ERC1: variants seen among roughly 807,000 people sequenced by gnomAD.
ERC1 encodes the protein RAB6 interacting protein 2.
In ERC1, 56 loss-of-function variants were observed where a neutral mutation model predicts 132.0. The observed-to-expected ratio is 0.42, with a 90% CI of 0.34 to 0.53. The LOEUF (loss-of-function observed/expected upper bound fraction) is 0.53, where lower values mean the gene tolerates loss of function less well. ERC1 is among the 20% of genes least tolerant of loss of function. ERC1 has a pLI of 0.03. For missense variants in ERC1, 1,202 were observed against 1,349.9 expected, an observed-to-expected ratio of 0.89 and a Z score of 1.72; for synonymous variants, 478 against 476.1, an observed-to-expected ratio of 1.00 and a Z score of -0.05.
intron 12 of ERC1, among the ~76,000 whole-genome samples, chr12:1,211,751 G>A (rs113685616): frequency 0.015 from 2,225 of 149,434 alleles, 42 homozygotes; most frequent in African/African-American, 0.052. Context: ...TGTATTTTCA[G>A]TAGAGACATG....
At chr12:1,070,111 A>G (rs1258431695) in intron 2 of ERC1, among the ~76,000 whole-genome samples, 1 of 152,070 alleles carries the variant, frequency 6.6e-6, no homozygotes, top group Non-Finnish European at 1.5e-5. Context: ...TGGTTTTCTT[A>G]CTTTGTTGTA....
At chr12:1,380,758 T>C (rs2088556222) in intron 16 of ERC1, 1 of 152,466 alleles carries the variant, frequency 6.6e-6, no homozygotes, top group Non-Finnish European at 1.5e-5. Flanking sequence ...TGGGCCTTGG[T>C]CACCAATTCT....
intron 4 of ERC1, among the ~76,000 whole-genome samples, chr12:1,105,357 T>TTTTTTA (rs1366008633): frequency 3.4e-4 from 52 of 152,194 alleles, no homozygotes; most frequent in African/African-American, 1.1e-3. Context: ...TTTTTTATTA[T>TTTTTTA]TTTTTATTTT....
chr12:1,103,123 C>T (rs537499409), intron 3 of ERC1, among the ~76,000 whole-genome samples: 1 of 152,252 alleles, frequency 6.6e-6, no homozygotes, highest in African/African-American at 2.4e-5. Context: ...TCTTGCATAG[C>T]GACAATGGCA....
At chr12:1,122,647 C>G (rs373487356) in intron 7 of ERC1, among the ~76,000 whole-genome samples, 1 of 147,700 alleles carries the variant, frequency 6.8e-6, no homozygotes, top group African/African-American at 2.5e-5. Context: ...ATCTCTATCT[C>G]TATCTCTATC....
At chr12:1,198,652 T>C (rs77496250) in intron 12 of ERC1, among the ~76,000 whole-genome samples, 3,410 of 152,226 alleles carry the variant, frequency 0.022, 53 homozygotes, top group East Asian at 0.073. Flanking sequence ...ATAAAGAAAA[T>C]AGTTTTAATT....
chr12:1,330,143 T>C (rs929246845), intron 15 of ERC1, among the ~76,000 whole-genome samples: 1 of 152,190 alleles, frequency 6.6e-6, no homozygotes, highest in African/African-American at 2.4e-5. Flanking sequence ...TTTTCTTCTG[T>C]GAAATGCATA....
intron 18 of ERC1, among the ~76,000 whole-genome samples, chr12:1,478,599 C>T (rs2094021324): frequency 6.6e-6 from 1 of 151,970 alleles, no homozygotes; most frequent in Non-Finnish European, 1.5e-5. Context: ...CGAGACCATC[C>T]TGGCTAACAC....
chr12:1,406,228 G>T (rs1425365719), intron 16 of ERC1, among the ~76,000 whole-genome samples: 1 of 152,196 alleles, frequency 6.6e-6, no homozygotes, highest in Non-Finnish European at 1.5e-5. Context: ...CCTGAAGTCA[G>T]CTGGTGAGAG....
chr12:1,138,243 C>A (rs1219428708), intron 7 of ERC1, among the ~76,000 whole-genome samples: 1 of 120,162 alleles, frequency 8.3e-6, no homozygotes, highest in African/African-American at 3.2e-5. Flanking sequence ...AATATAATTA[C>A]AATATATGAT....
chr12:1,472,093 A>G (rs183608701), intron 18 of ERC1, among the ~76,000 whole-genome samples: 320 of 152,246 alleles, frequency 2.1e-3, no homozygotes, highest in African/African-American at 7.3e-3. Context: ...TAGCATTTGT[A>G]GGTCTCGTTG....
At chr12:1,276,892 T>C (rs2078312148) in intron 14 of ERC1, among the ~76,000 whole-genome samples, 1 of 152,262 alleles carries the variant, frequency 6.6e-6, no homozygotes, top group Non-Finnish European at 1.5e-5. Flanking sequence ...AACAGTGTTT[T>C]GAAATGTTTT....
At chr12:1,379,830 T>C (rs2088420561) in intron 16 of ERC1, among the ~76,000 whole-genome samples, 1 of 152,166 alleles carries the variant, frequency 6.6e-6, no homozygotes, top group Non-Finnish European at 1.5e-5. Context: ...TGCCTTATTC[T>C]GTTCACACAG....
At chr12:1,230,685 T>C (rs745395416) in intron 12 of ERC1, among the ~76,000 whole-genome samples, 39 of 152,208 alleles carry the variant, frequency 2.6e-4, no homozygotes, top group Non-Finnish European at 4.4e-4. Context: ...CTCTTGTTAT[T>C]GTATTGCTGT....
At chr12:1,092,207 C>T (rs904905249) in intron 3 of ERC1, among the ~76,000 whole-genome samples, 13 of 152,136 alleles carry the variant, frequency 8.5e-5, no homozygotes, top group South Asian at 2.1e-4. Context: ...CCATGTTGGT[C>T]AGGCTGGTCT....
chr12:1,314,508 T>C (rs532173582), intron 15 of ERC1, among the ~76,000 whole-genome samples: 63 of 152,192 alleles, frequency 4.1e-4, no homozygotes, highest in Non-Finnish European at 7.9e-4. Context: ...TCAAAGGTTT[T>C]AAAAAATGCG....
chr12:1,468,301 A>C (rs2093786820), intron 18 of ERC1, among the ~76,000 whole-genome samples: 1 of 152,152 alleles, frequency 6.6e-6, no homozygotes, highest in Non-Finnish European at 1.5e-5. Flanking sequence ...AAAAAACTCC[A>C]ACTAGAAATA....
chr12:1,308,238 T>G (rs1431272655), intron 15 of ERC1, among the ~76,000 whole-genome samples: 1 of 147,990 alleles, frequency 6.8e-6, no homozygotes, highest in Non-Finnish European at 1.5e-5. Context: ...ATTATTTGCA[T>G]GAATGGTAGC....
intron 3 of ERC1, among the ~76,000 whole-genome samples, chr12:1,096,207 C>T (rs1411672794): frequency 1.3e-5 from 2 of 152,156 alleles, no homozygotes; most frequent in Admixed American, 6.5e-5. Context: ...GGATTACAGG[C>T]ATGAGCCACT....
Sources: allele counts gnomAD v4.1 joint callset (sites outside exome capture counted in the v4.1 genomes callset), GRCh38; gene constraint gnomAD v4.1.1; transcripts MANE v1.5; gene names NCBI Gene and HGNC (gene_info 2026-07-23, HGNC 2026-07-21).